The following ADCY1 variants were observed in gnomAD, a reference collection of about 807,000 sequenced individuals.
The protein encoded by ADCY1 is adenylate cyclase type 1.
Under a neutral mutation model 105.4 loss-of-function variants are expected in ADCY1, and 28 were observed. The observed-to-expected ratio is 0.27, with a 90% confidence interval of 0.20 to 0.36. The LOEUF (loss-of-function observed/expected upper bound fraction) is 0.36. ADCY1 is among the 10% of genes least tolerant of loss of function. The probability of loss-of-function intolerance (pLI) is 1.00; values close to 1 mark genes in which losing one functional copy is unlikely to be tolerated. For missense variants in ADCY1, 977 were observed against 1,434.2 expected (o/e 0.68, Z 5.15); for synonymous variants, 655 against 623.8 (o/e 1.05, Z -0.75).
chr7:45,614,381 C>T (rs904183342), intron 3 of ADCY1, among the ~76,000 whole-genome samples: 2 of 151,716 alleles, frequency 1.3e-5, no homozygotes, highest in African/African-American at 4.8e-5. Context: ...AAAAAAATGG[C>T]TATAGAAACT....
At position 45,721,585 on chromosome 7, in the gene ADCY1, C is replaced by G. The variant is rs1409254471; in HGVS notation, c.*7590C>G. Reference sequence around the variant, plus strand: ...AGGAGTTCTGTGAGCTATGGGAAGGCCATTGGTTGTATTTGCTACTTTTAC... The same window carrying G: ...AGGAGTTCTGTGAGCTATGGGAAGGGCATTGGTTGTATTTGCTACTTTTAC... On this transcript the variant is annotated 3_prime_UTR_variant, in exon 20 of 20. Transcript: ENST00000297323. 1 of 398,176 alleles carries G rather than the reference C, an allele frequency of 2.5e-6. No individual in the cohort carries two copies. The highest frequency in any genetic ancestry group is 4.4e-6 in the Non-Finnish European group (1 of 225,952). 24.7% of individuals were successfully genotyped at this position (398,176 alleles called of 1,614,324 possible).
chr7:45,707,923 T>C (rs1785151679), intron 17 of ADCY1, among the ~76,000 whole-genome samples: 3 of 152,244 alleles, frequency 2.0e-5, no homozygotes, highest in Admixed American at 2.0e-4. Context: ...CTGTTACTGT[T>C]TCACAAGAGA....
intron 4 of ADCY1, among the ~76,000 whole-genome samples, chr7:45,623,885 G>C (rs1377220436): frequency 6.6e-6 from 1 of 152,138 alleles, no homozygotes; most frequent in Non-Finnish European, 1.5e-5. Context: ...GAGTTTCCTT[G>C]GACCCCAGAC....
intron 4 of ADCY1, among the ~76,000 whole-genome samples, chr7:45,632,475 T>C (rs976635418): frequency 2.0e-5 from 3 of 152,200 alleles, no homozygotes; most frequent in African/African-American, 7.2e-5. Context: ...TTTAGATTTA[T>C]TTAGATATTC....
In ADCY1 at chr7:45,714,167, G is replaced by A. The variant is rs1213036691; in HGVS notation, c.*172G>A. The stretch of plus-strand genomic sequence containing the variant: ...GCCTGTGGCCCGAGGGCCAACCACC[G>A]AGCAGGCACAGCACAGCAGTGACTC... On this transcript the variant is annotated 3_prime_UTR_variant, in exon 20 of 20. Coordinates refer to ENST00000297323, the MANE Select transcript of ADCY1 (RefSeq NM_021116.4). 5.0e-6 allele frequency: 3 copies of A among 598,814 alleles called. No individual in the cohort carries two copies. Among genetic ancestry groups the A allele is most frequent in the African/African-American group, 3.7e-5 (2 of 53,848 alleles). The allele number at this position is 598,814 out of a possible 1,614,324, so 37.1% of individuals were successfully genotyped here. A position where few individuals can be genotyped will look rare whatever the true frequency, so the allele number is the denominator to read the frequency against.
intron 4 of ADCY1, among the ~76,000 whole-genome samples, chr7:45,628,813 G>A (rs567197947): frequency 2.3e-4 from 35 of 152,286 alleles, no homozygotes; most frequent in Admixed American, 9.2e-4. Context: ...CTGTGGTTCA[G>A]TACCTCTGGG....
At chr7:45,681,015 C>A (rs1467948597) in intron 11 of ADCY1, among the ~76,000 whole-genome samples, 3 of 152,258 alleles carry the variant, frequency 2.0e-5, no homozygotes, top group Non-Finnish European at 4.4e-5. Flanking sequence ...CGAGAGCCTC[C>A]CAAGCCAGGT....
intron 8 of ADCY1, among the ~76,000 whole-genome samples, chr7:45,669,743 T>C (rs1022959542): frequency 6.6e-6 from 1 of 152,242 alleles, no homozygotes; most frequent in Admixed American, 6.5e-5. Flanking sequence ...ACCATATCTA[T>C]CTGAATTTAA....
chr7:45,678,152 T>C lies in ADCY1; in HGVS notation c.1801-14T>C. ...AGCCCTCAGCCCTGATGGATTGACTTCTCTCTTACACAGTACCACCAGCTT... is the reference window on the plus strand; with the variant it reads ...AGCCCTCAGCCCTGATGGATTGACTCCTCTCTTACACAGTACCACCAGCTT... On this transcript the variant is annotated splice_polypyrimidine_tract_variant and intron_variant, in intron 9 of 19. Coordinates refer to ENST00000297323, the MANE Select transcript of ADCY1 (RefSeq NM_021116.4). 1 of 1,614,104 alleles carries C rather than the reference T, an allele frequency of 6.2e-7. No homozygotes were observed. Among genetic ancestry groups the C allele is most frequent in the Non-Finnish European group, 8.5e-7 (1 of 1,179,970 alleles).
intron 3 of ADCY1, among the ~76,000 whole-genome samples, chr7:45,610,978 G>GTGGAGGTGATGGTGGAGGT (rs1554318284): frequency 5.3e-5 from 1 of 18,754 alleles, no homozygotes; most frequent in Non-Finnish European, 1.2e-4. Flanking sequence ...TGGTGGAGGT[G>GTGGAGGTGATGGTGGAGGT]GGGGGTGATA....
At chr7:45,706,492 C>CAAAAAAAAAAAA (rs58794109) in intron 17 of ADCY1, among the ~76,000 whole-genome samples, 35 of 59,392 alleles carry the variant, frequency 5.9e-4, no homozygotes, top group Non-Finnish European at 7.3e-4. Context: ...ACATCACATG[C>CAAAAAAAAAAAA]AAAAAAAAAA....
chr7:45,668,016 A>T (rs893139341), intron 8 of ADCY1, among the ~76,000 whole-genome samples: 3 of 152,204 alleles, frequency 2.0e-5, no homozygotes, highest in Admixed American at 2.0e-4. Flanking sequence ...TATCAGCTTA[A>T]GGAGATTTTG....
intron 1 of ADCY1, among the ~76,000 whole-genome samples, chr7:45,580,856 C>T (rs549811766): frequency 2.6e-5 from 4 of 152,256 alleles, no homozygotes; most frequent in Admixed American, 6.5e-5. Flanking sequence ...CAGTGGTGTC[C>T]GCTTGCCACT....
At chr7:45,620,821 G>A (rs1479948206) in intron 3 of ADCY1, among the ~76,000 whole-genome samples, 1 of 152,110 alleles carries the variant, frequency 6.6e-6, no homozygotes, top group African/African-American at 2.4e-5. Flanking sequence ...TCTGTATCCG[G>A]CAAAAATCAC....
chr7:45,615,783 C>T (rs925082824), intron 3 of ADCY1, among the ~76,000 whole-genome samples: 1 of 131,256 alleles, frequency 7.6e-6, no homozygotes, highest in African/African-American at 2.7e-5. Flanking sequence ...AACTTTGCAC[C>T]TCAAGAAGCC....
intron 4 of ADCY1, among the ~76,000 whole-genome samples, chr7:45,638,404 A>G (rs1794448704): frequency 6.6e-6 from 1 of 151,796 alleles, no homozygotes; most frequent in Admixed American, 6.6e-5. Context: ...TCATCTTCAG[A>G]AGTTCAATTT....
At position 45,647,373 on chromosome 7, in the gene ADCY1, T is replaced by A. The variant is rs1035044133; in HGVS notation, c.1021-1297T>A. 3.9e-5 allele frequency among the ~76,000 whole-genome samples: 6 copies of A among 152,356 alleles called. No individual in the cohort carries two copies. On this transcript the variant is annotated intron_variant, in intron 4 of 19. Coordinates refer to ENST00000297323, the MANE Select transcript of ADCY1 (RefSeq NM_021116.4). The surrounding 1 kb of genome is among the most constrained non-coding windows in gnomAD (Gnocchi z 4.6). Reference sequence around the variant, plus strand: ...TGAGCACAGGGGTCATGAGAGCTGATGATTCTCATTCCAAATGCACTTGTG... The same window carrying A: ...TGAGCACAGGGGTCATGAGAGCTGAAGATTCTCATTCCAAATGCACTTGTG...
At chr7:45,582,768 C>A (rs184387082) in intron 1 of ADCY1, among the ~76,000 whole-genome samples, 1 of 152,198 alleles carries the variant, frequency 6.6e-6, no homozygotes, top group Admixed American at 6.5e-5. Flanking sequence ...CCCATCTGTC[C>A]TCCTACCCCA....
rs1214784150 is a variant in ADCY1, at chr7:45,720,747, G to A, written c.*6752G>A. On this transcript the variant is annotated 3_prime_UTR_variant, in exon 20 of 20. Coordinates refer to ENST00000297323, the MANE Select transcript of ADCY1 (RefSeq NM_021116.4). ...GTCGCTCTCCCACCTGGTTACCACA[G>A]TCTCCATGGGTCTTTTGCCGTGACC... 2 of 152,122 alleles carry A rather than the reference G, an allele frequency of 1.3e-5. No homozygotes were observed. The highest frequency in any genetic ancestry group is 1.5e-5 in the Non-Finnish European group (1 of 68,034). The allele number at this position is 152,122 out of a possible 1,614,324, so 9.4% of individuals were successfully genotyped here.
Sources: allele counts gnomAD v4.1 joint callset (sites outside exome capture counted in the v4.1 genomes callset), GRCh38; gene constraint gnomAD v4.1.1; non-coding constraint Gnocchi (gnomAD v3.1); transcripts MANE v1.5; gene names NCBI Gene and HGNC (gene_info 2026-07-23, HGNC 2026-07-21).